The following OTOGL variants were observed in gnomAD, a reference collection of about 807,000 sequenced individuals.
OTOGL encodes the protein otogelin like, also known as otogelin-like protein.
OTOGL carries 285 observed loss-of-function variants against 318.5 expected under a neutral mutation model. That is an observed-to-expected ratio of 0.89 (90% CI 0.81 to 0.99). The LOEUF is 0.99. Among genes scored for constraint, OTOGL ranks in the 50% least tolerant of loss-of-function variants. The pLI is 0.00. For missense variants in OTOGL, 2,899 were observed against 2,845.6 expected (o/e 1.02, Z -0.43); for synonymous variants, 987 against 936.5 (o/e 1.05, Z -0.99).
At chr12:80,130,403 C>T (rs963889609) in intron 1 of OTOGL, among the ~76,000 whole-genome samples, 1 of 152,180 alleles carries the variant, frequency 6.6e-6, no homozygotes, top group Non-Finnish European at 1.5e-5. Context: ...CAGAACTATG[C>T]TTTCAATGAC....
rs376815617 is a variant in OTOGL at position 80,255,116 on chromosome 12, A to G, written c.1518A>G (p.Gln506=). The stretch of plus-strand genomic sequence containing the variant: ...ATTATTCTTTTATTGGCATGTGCCA[A>G]TACATCCTCGTGAAAGGAACTGGAA... ...GRHYSFIGMC[Q]YILVKGTGKD... The change falls in exon 16 of 59, where the codon CAA becomes CAG. Residue 506 remains glutamine (Q), a synonymous_variant. Transcript: ENST00000547103. 1.0e-5 allele frequency: 16 copies of G among 1,529,554 alleles called. No homozygotes were observed. Among genetic ancestry groups the G allele is most frequent in the African/African-American group, 4.2e-5 (3 of 71,760 alleles). The allele number at this position is 1,529,554 out of a possible 1,614,324, so 94.7% of individuals were successfully genotyped here.
intron 1 of OTOGL, among the ~76,000 whole-genome samples, chr12:80,170,649 G>C (rs1169645184): frequency 6.6e-6 from 1 of 151,994 alleles, no homozygotes. Context: ...GCCCAGGCTG[G>C]TCTTGAACTC....
intron 26 of OTOGL, among the ~76,000 whole-genome samples, chr12:80,283,802 A>G (rs1230821762): frequency 6.6e-6 from 1 of 152,074 alleles, no homozygotes; most frequent in South Asian, 2.1e-4. Flanking sequence ...ACCTAGGAAT[A>G]TTGTTAAAAT....
intron 1 of OTOGL, among the ~76,000 whole-genome samples, chr12:80,107,389 C>T (rs1024698661): frequency 3.9e-5 from 6 of 152,122 alleles, no homozygotes; most frequent in Non-Finnish European, 8.8e-5. Flanking sequence ...CATCTCACAT[C>T]AGTCAGAATT....
rs1592630877 is a variant in OTOGL, at chr12:80,266,158, A to T, written c.2225-293A>T. Reference sequence around the variant, plus strand: ...CTTCTATACTACAAGGGCAGAATTGAGTAGTTGTCACTCAATTCAACATAT... The same window carrying T: ...CTTCTATACTACAAGGGCAGAATTGTGTAGTTGTCACTCAATTCAACATAT... On this transcript the variant is annotated intron_variant, in intron 20 of 58. Coordinates refer to ENST00000547103, the MANE Select transcript of OTOGL (RefSeq NM_001378609.3). 4 of 300,590 alleles carry T rather than the reference A, an allele frequency of 1.3e-5. 1 individual carries two copies. The East Asian group carries it at 2.7e-4, about 20-fold the overall frequency. The allele number at this position is 300,590 out of a possible 1,614,324, so 18.6% of individuals were successfully genotyped here.
intron 1 of OTOGL, chr12:80,102,855 T>TC (rs1024296629): frequency 4.1e-6 from 3 of 724,562 alleles, no homozygotes; most frequent in African/African-American, 3.5e-5. Context: ...TTCTTTTTTT[T>TC]CTCCTTTGTT....
chr12:80,347,304 C>G (rs763711443), intron 44 of OTOGL, among the ~76,000 whole-genome samples: 32 of 152,040 alleles, frequency 2.1e-4, no homozygotes, highest in Non-Finnish European at 3.8e-4. Context: ...CCTAGTCCCC[C>G]ACCCCCCGAC....
intron 8 of OTOGL, among the ~76,000 whole-genome samples, chr12:80,230,873 G>A (rs1879298825): frequency 6.6e-6 from 1 of 152,146 alleles, no homozygotes; most frequent in African/African-American, 2.4e-5. Flanking sequence ...CATTCATTTA[G>A]GTTTACATTT....
chr12:80,103,089 A>G, intron 1 of OTOGL: 2 of 1,129,820 alleles, frequency 1.8e-6, no homozygotes, highest in Non-Finnish European at 2.7e-6. Flanking sequence ...CACCCATTCA[A>G]TGTAGATAAC....
In OTOGL at chr12:80,339,055, G is replaced by T. The variant is rs189215370; in HGVS notation, c.4861-20G>T. 12 of 1,537,660 alleles carry T rather than the reference G, an allele frequency of 7.8e-6. No individual in the cohort carries two copies. Among genetic ancestry groups the T allele is most frequent in the Middle Eastern group, 1.7e-4 (1 of 5,896 alleles). ...TATTTAAGTAAATATTTCTTAACAGGTGTATTTATGTTATTCTAGGTAGAA... is the reference window on the plus strand; with the variant it reads ...TATTTAAGTAAATATTTCTTAACAGTTGTATTTATGTTATTCTAGGTAGAA... On this transcript the variant is annotated intron_variant, in intron 42 of 58. Transcript: ENST00000547103.
chr12:80,175,152 C>T (rs1488498054), intron 1 of OTOGL, among the ~76,000 whole-genome samples: 1 of 151,982 alleles, frequency 6.6e-6, no homozygotes, highest in Non-Finnish European at 1.5e-5. Context: ...TAAATACACT[C>T]TTAATGGAAA....
At chr12:80,218,905 C>T (rs1337160662) in intron 5 of OTOGL, among the ~76,000 whole-genome samples, 5 of 150,502 alleles carry the variant, frequency 3.3e-5, no homozygotes, top group Admixed American at 2.7e-4. Context: ...AGCGATTCTC[C>T]TGCCTCAGCC....
chr12:80,198,154 T>C (rs1018665091), intron 1 of OTOGL, among the ~76,000 whole-genome samples: 1 of 152,250 alleles, frequency 6.6e-6, no homozygotes, highest in Admixed American at 6.5e-5. Flanking sequence ...TTACATATGC[T>C]TAACTTCTCT....
In OTOGL at chr12:80,239,356, A is replaced by G. The variant is rs1418986402; in HGVS notation, c.969A>G (p.Ile323Met). The change falls in exon 11 of 59, where the codon ATA (isoleucine) becomes ATG (methionine). Residue 323 changes from isoleucine (I) to methionine (M), a missense_variant. Physicochemically the swap from Ile to Met is conservative, Grantham distance 10. Coordinates refer to ENST00000547103, the MANE Select transcript of OTOGL (RefSeq NM_001378609.3). ...AFEAIFFKCQ[I>M]LLQFPFLSCH... Reference sequence around the variant, plus strand: ...AGGCAATCTTCTTCAAGTGTCAGATACTGTTGCAGTTTCCTTTTCTGAGCT... The same window carrying G: ...AGGCAATCTTCTTCAAGTGTCAGATGCTGTTGCAGTTTCCTTTTCTGAGCT... 1 of 1,609,058 alleles carries G rather than the reference A, an allele frequency of 6.2e-7. No individual in the cohort carries two copies. Among genetic ancestry groups the G allele is most frequent in the Non-Finnish European group, 8.5e-7 (1 of 1,177,530 alleles).
chr12:80,160,497 A>G (rs1399791907), intron 1 of OTOGL, among the ~76,000 whole-genome samples: 1 of 152,168 alleles, frequency 6.6e-6, no homozygotes, highest in Admixed American at 6.6e-5. Flanking sequence ...AACATCACTA[A>G]TTAACATGGA....
At chr12:80,137,238 A>T (rs1871635458) in intron 1 of OTOGL, among the ~76,000 whole-genome samples, 1 of 152,136 alleles carries the variant, frequency 6.6e-6, no homozygotes, top group African/African-American at 2.4e-5. Flanking sequence ...CTATAATTTC[A>T]TGTTATATAA....
At chr12:80,260,962 G>GTTCTTAAATAAACAAAAAGAAC in intron 18 of OTOGL, among the ~76,000 whole-genome samples, 1 of 152,044 alleles carries the variant, frequency 6.6e-6, no homozygotes, top group Admixed American at 6.6e-5. Context: ...TTGTACTAGG[G>GTTCTTAAATAAACAAAAAGAAC]TGTTTGTTGC....
At chr12:80,254,210 ATCTCT>A in intron 14 of OTOGL, among the ~76,000 whole-genome samples, 1 of 152,050 alleles carries the variant, frequency 6.6e-6, no homozygotes, top group East Asian at 1.9e-4. Context: ...ATAAGAGGAG[ATCTCT>A]TCTCTCTTTT....
Position 80,267,243 on chromosome 12 carries a change from C to G in OTOGL, c.2391-10C>G. ...TTGTATCCTATTTACTTTACTTTTT[C>G]TTCGTATAGATTCCACTGCCGTTGT... On this transcript the variant is annotated splice_polypyrimidine_tract_variant and intron_variant, in intron 21 of 58. Coordinates refer to ENST00000547103, the MANE Select transcript of OTOGL (RefSeq NM_001378609.3). 6.7e-7 allele frequency: 1 copy of G among 1,499,690 alleles called. No homozygotes were observed. 92.9% of individuals were successfully genotyped at this position (1,499,690 alleles called of 1,614,324 possible).
Sources: gnomAD v4.1 joint callset for allele counts (sites outside exome capture counted in the v4.1 genomes callset) on GRCh38, gnomAD v4.1.1 for gene constraint, MANE v1.5 for transcripts, NCBI Gene and HGNC (gene_info 2026-07-23, HGNC 2026-07-21) for gene names.